STK33: variants seen among roughly 807,000 people sequenced by gnomAD.
The protein encoded by STK33 is serine/threonine-protein kinase 33.
In STK33, 52 loss-of-function variants were observed where a neutral mutation model predicts 58.0. That is an observed-to-expected ratio of 0.90 (90% CI 0.72 to 1.13). The LOEUF (loss-of-function observed/expected upper bound fraction) is 1.13, where lower values mean the gene tolerates loss of function less well. STK33 is among the 50% of genes most tolerant of loss of function. STK33 has a pLI of 0.00. For synonymous variants in STK33, 215 were observed against 200.1 expected (o/e 1.07, Z -0.63); for missense variants, 630 against 604.2 (o/e 1.04, Z -0.45).
chr11:8,553,665 G>T (rs1297431136), intron 1 of STK33, among the ~76,000 whole-genome samples: 1 of 151,198 alleles, frequency 6.6e-6, no homozygotes, highest in Non-Finnish European at 1.5e-5. Flanking sequence ...GTCAACTGAT[G>T]TTTTTTTTTA....
intron 15 of STK33, among the ~76,000 whole-genome samples, chr11:8,396,771 G>T (rs901829056): frequency 6.6e-6 from 1 of 152,200 alleles, no homozygotes; most frequent in African/African-American, 2.4e-5. Context: ...CACTAATACT[G>T]TGCTTTTCCA....
chr11:8,531,786 A>AGT (rs1043115367), intron 1 of STK33, among the ~76,000 whole-genome samples: 62 of 152,354 alleles, frequency 4.1e-4, no homozygotes, highest in African/African-American at 1.4e-3. Context: ...ACCCAAGGAA[A>AGT]GTAGGCATAA....
Position 8,435,520 on chromosome 11 carries a change from C to A in STK33, c.1120G>T (p.Glu374Ter). Reference protein sequence around the residue: ...VDPAHRITAKELLDNQWLTGN... With the variant: ...VDPAHRITAK ...GTTAACCACTGGTTATCTAGTAGTT[C>A]CTTAGCTGTGATTCTGTGAGCAGGA... Residue 374 changes from glutamate (E) to a stop codon, truncating the protein, a stop_gained, in exon 14 of 16, where the codon GAA (glutamate) becomes TAA (stop). Coordinates refer to ENST00000687296, the MANE Select transcript of STK33 (RefSeq NM_001352389.2). LOFTEE classifies it high-confidence loss of function. The A allele has an allele frequency of 6.6e-7, 1 of 1,506,440 alleles. No individual in the cohort carries two copies. The highest frequency in any genetic ancestry group is 1.4e-5 in the South Asian group (1 of 69,654). The allele number at this position is 1,506,440 out of a possible 1,614,324, so 93.3% of individuals were successfully genotyped here. A position where few individuals can be genotyped will look rare whatever the true frequency, so the allele number is the denominator to read the frequency against.
the STK33 span, among the ~76,000 whole-genome samples, chr11:8,385,565 C>A: frequency 6.6e-6 from 1 of 152,152 alleles, no homozygotes; most frequent in Non-Finnish European, 1.5e-5. Context: ...ATAGAAATGC[C>A]TTATCTCTAA....
At chr11:8,449,992 T>C (rs1412458763) in intron 11 of STK33, among the ~76,000 whole-genome samples, 1 of 152,202 alleles carries the variant, frequency 6.6e-6, no homozygotes, top group Non-Finnish European at 1.5e-5. Flanking sequence ...GAATACAGTG[T>C]GGTGATTCCT....
intron 1 of STK33, among the ~76,000 whole-genome samples, chr11:8,562,585 G>T (rs78580242): frequency 9.2e-5 from 14 of 152,034 alleles, no homozygotes; most frequent in African/African-American, 3.4e-4. Context: ...TCCATAGCTA[G>T]GAACTGAGCC....
chr11:8,354,118 A>G, the STK33 span, among the ~76,000 whole-genome samples: 1 of 152,144 alleles, frequency 6.6e-6, no homozygotes, highest in East Asian at 1.9e-4. Flanking sequence ...GCAAACTGCA[A>G]GGTGAGCCGC....
chr11:8,352,852 A>G, the STK33 span, among the ~76,000 whole-genome samples: 1 of 152,188 alleles, frequency 6.6e-6, no homozygotes, highest in Non-Finnish European at 1.5e-5. Flanking sequence ...GCTAGAGATT[A>G]TTTCTGCCAG....
the STK33 span, among the ~76,000 whole-genome samples, chr11:8,356,143 T>TAAC: frequency 6.6e-6 from 1 of 152,210 alleles, no homozygotes; most frequent in Admixed American, 6.5e-5. Context: ...GATTCAGATC[T>TAAC]AACAGTTGCT....
At chr11:8,463,769 T>G (rs1414179552) in intron 7 of STK33, among the ~76,000 whole-genome samples, 1 of 152,186 alleles carries the variant, frequency 6.6e-6, no homozygotes, top group East Asian at 1.9e-4. Flanking sequence ...GAAAGATTAT[T>G]AATTCCTAAA....
rs539242755 is a variant in STK33 at position 8,418,903 on chromosome 11, G to A, written c.1147-5211C>T. On this transcript the variant is annotated intron_variant, in intron 14 of 15. Transcript: ENST00000687296. ...GCATATATGCCCCATCTTGAAAAGC[G>A]TCATCTGTTCATGTCCTTTGCCCAC... Among the ~76,000 whole-genome samples the A allele has an allele frequency of 5.9e-5, 9 of 152,004 alleles. No homozygotes were observed. In the South Asian group the frequency reaches 8.3e-4, roughly 14 times the overall value.
At position 8,415,374 on chromosome 11, in the gene STK33, C is replaced by A. The variant is rs547671506; in HGVS notation, c.1147-1682G>T. Among the ~76,000 whole-genome samples, 34 of 152,226 alleles carry A rather than the reference C, an allele frequency of 2.2e-4. 2 individuals are homozygous for A. In the South Asian group the frequency reaches 6.4e-3, roughly 29 times the overall value. ...TTTCACTTCTCTATCCACTTTGGGA[C>A]ATGACCATGTGCCTTACTTTGGCCA... On this transcript the variant is annotated intron_variant, in intron 14 of 15. Coordinates refer to ENST00000687296, the MANE Select transcript of STK33 (RefSeq NM_001352389.2).
chr11:8,520,526 T>C (rs1953314477), intron 1 of STK33, among the ~76,000 whole-genome samples: 1 of 152,176 alleles, frequency 6.6e-6, no homozygotes, highest in African/African-American at 2.4e-5. Context: ...ATAAAGGGTA[T>C]TCAATTAGGA....
intron 14 of STK33, among the ~76,000 whole-genome samples, chr11:8,432,353 T>C (rs1330365251): frequency 2.6e-5 from 4 of 152,222 alleles, no homozygotes; most frequent in Non-Finnish European, 4.4e-5. Context: ...GAACCACAGT[T>C]GACAGTAAAA....
chr11:8,347,266 G>A, the STK33 span, among the ~76,000 whole-genome samples: 1 of 152,208 alleles, frequency 6.6e-6, no homozygotes, highest in African/African-American at 2.4e-5. Flanking sequence ...GCTGCCTTTT[G>A]GGCTTCACTG....
At chr11:8,521,409 A>T (rs1336181365) in intron 1 of STK33, among the ~76,000 whole-genome samples, 1 of 152,232 alleles carries the variant, frequency 6.6e-6, no homozygotes, top group Non-Finnish European at 1.5e-5. Context: ...GTGCTGGGAA[A>T]ACTGGTCAGC....
chr11:8,375,016 A>G, the STK33 span, among the ~76,000 whole-genome samples: 1 of 152,202 alleles, frequency 6.6e-6, no homozygotes, highest in East Asian at 1.9e-4. Context: ...ATCTTGTAGC[A>G]CAGACTAAAT....
chr11:8,373,394 A>G, the STK33 span, among the ~76,000 whole-genome samples: 75 of 152,116 alleles, frequency 4.9e-4, no homozygotes, highest in African/African-American at 1.8e-3. Flanking sequence ...GATGATTTTG[A>G]TAGGACACGT....
At position 8,464,776 on chromosome 11, in the gene STK33, A is replaced by G; in HGVS notation, c.386T>C (p.Ile129Thr). 1 of 1,613,390 alleles carries G rather than the reference A, an allele frequency of 6.2e-7. No individual in the cohort carries two copies. The highest frequency in any genetic ancestry group is 1.3e-5 in the African/African-American group (1 of 74,904). Residue 129 changes from isoleucine (I) to threonine (T), a missense_variant, in exon 7 of 16, where the codon ATA (isoleucine) becomes ACA (threonine). Physicochemically the swap from Ile to Thr is moderately conservative, Grantham distance 89 (BLOSUM62 -1). Transcript: ENST00000687296. ...TTCCTTGTCTGTCGCTTCAATGACT[A>G]TTCCAAAGCTCCCTTTTCCCAATAT... Reference protein sequence around the residue: ...GRILGKGSFGIVIEATDKETE... With the variant: ...GRILGKGSFGTVIEATDKETE...
Sources: gnomAD v4.1 joint callset for allele counts (sites outside exome capture counted in the v4.1 genomes callset) on GRCh38, gnomAD v4.1.1 for gene constraint, MANE v1.5 for transcripts, NCBI Gene and HGNC (gene_info 2026-07-23, HGNC 2026-07-21) for gene names.